The following NEO1 variants were observed in gnomAD, a reference collection of about 807,000 sequenced individuals.
NEO1 encodes neogenin 1.
NEO1 carries 63 observed loss-of-function variants against 159.7 expected under a neutral mutation model. The ratio of observed to expected loss-of-function variants is 0.39; its 90% CI spans 0.32 to 0.49. The LOEUF is 0.49. Ranked by LOEUF, NEO1 falls within the 20% of genes least tolerant of loss-of-function variation. The pLI is 0.85. For synonymous variants in NEO1, 633 were observed against 662.0 expected, an observed-to-expected ratio of 0.96 and a Z score of 0.67; for missense variants, 1,615 against 1,831.0, an observed-to-expected ratio of 0.88 and a Z score of 2.15.
chr15:73,298,248 A>T (rs745675594), intron 26 of NEO1, 100 bp from the exon 27 acceptor site: 1 of 1,442,492 alleles, frequency 6.9e-7, no homozygotes, highest in South Asian at 1.3e-5. Flanking sequence ...CGCAAGTGCT[A>T]TTGAGCTGGT....
chr15:73,185,913 A>G (rs1293681989), intron 7 of NEO1, among the ~76,000 whole-genome samples: 2 of 152,172 alleles, frequency 1.3e-5, no homozygotes, highest in Admixed American at 6.6e-5. Flanking sequence ...GTTTGAATAG[A>G]TAATGGCCAA....
At chr15:73,167,625 C>T (rs758096896) in intron 5 of NEO1, among the ~76,000 whole-genome samples, 14 of 151,988 alleles carry the variant, frequency 9.2e-5, no homozygotes, top group Non-Finnish European at 1.6e-4. Context: ...CCCAAGTGTA[C>T]GATGATGAAT....
chr15:73,256,665 C>T (rs2040367223), intron 13 of NEO1, among the ~76,000 whole-genome samples: 1 of 152,106 alleles, frequency 6.6e-6, no homozygotes, highest in Non-Finnish European at 1.5e-5. Context: ...TGTTTGTCTC[C>T]AGGGGCATGT....
At chr15:73,282,119 C>A (rs2041747104) in intron 22 of NEO1, among the ~76,000 whole-genome samples, 1 of 152,184 alleles carries the variant, frequency 6.6e-6, no homozygotes, top group East Asian at 1.9e-4. Flanking sequence ...CCTCAGGGTC[C>A]TTTCCCTTGT....
intron 12 of NEO1, 73 bp from the exon 13 acceptor site, chr15:73,254,609 G>C: frequency 7.0e-7 from 1 of 1,433,748 alleles, no homozygotes. Flanking sequence ...AGTAAAATCA[G>C]GATAAAAATA....
At chr15:73,212,123 G>T (rs941028719) in intron 7 of NEO1, among the ~76,000 whole-genome samples, 11 of 152,200 alleles carry the variant, frequency 7.2e-5, no homozygotes, top group African/African-American at 4.8e-5. Context: ...GTTTTTGCCA[G>T]TCTTCTTGCA....
At chr15:73,215,579 A>G (rs925253391) in intron 7 of NEO1, among the ~76,000 whole-genome samples, 8 of 152,222 alleles carry the variant, frequency 5.3e-5, no homozygotes, top group African/African-American at 1.9e-4. Flanking sequence ...GTGGTTTATC[A>G]CATTTAATTC....
chr15:73,254,567 C>G, intron 12 of NEO1, 115 bp from the exon 13 acceptor site: 1 of 1,045,252 alleles, frequency 9.6e-7, no homozygotes, highest in African/African-American at 1.6e-5. Flanking sequence ...ACTCTGAGTA[C>G]CTTGCTGCCT....
intron 5 of NEO1, among the ~76,000 whole-genome samples, chr15:73,158,205 A>ATT (rs1269192236): frequency 1.2e-5 from 1 of 86,682 alleles, no homozygotes; most frequent in East Asian, 5.2e-4. Flanking sequence ...AAAGAGTGAG[A>ATT]CTCTTTTTTT....
rs930226016 is a variant in NEO1, at chr15:73,303,050, T to C, written c.*354T>C. 2 of 186,818 alleles carry C rather than the reference T, an allele frequency of 1.1e-5. No individual in the cohort carries two copies. Among genetic ancestry groups the C allele is most frequent in the African/African-American group, 4.6e-5 (2 of 43,168 alleles). 11.6% of individuals were successfully genotyped at this position (186,818 alleles called of 1,614,324 possible). ...CTGTGACTGCATCACCTTTATGGAGTGTAGACATTGGCATTTATGTACAAT... is the reference window on the plus strand; with the variant it reads ...CTGTGACTGCATCACCTTTATGGAGCGTAGACATTGGCATTTATGTACAAT... On this transcript the variant is annotated 3_prime_UTR_variant, in exon 29 of 29. Coordinates refer to ENST00000261908, the MANE Select transcript of NEO1 (RefSeq NM_002499.4).
At chr15:73,296,952 T>C (rs1165410340) in intron 26 of NEO1, among the ~76,000 whole-genome samples, 2 of 152,204 alleles carry the variant, frequency 1.3e-5, no homozygotes, top group African/African-American at 2.4e-5. Context: ...ATTGAAATCA[T>C]TGAAAGCAAA....
rs563191907 is a variant in NEO1 at position 73,201,528 on chromosome 15, C to T, written c.1291+23101C>T. Among the ~76,000 whole-genome samples, 8 of 151,984 alleles carry T rather than the reference C, an allele frequency of 5.3e-5. No individual in the cohort carries two copies. The South Asian group carries it at 8.4e-4, about 16-fold the overall frequency. On this transcript the variant is annotated intron_variant, in intron 7 of 28. Coordinates refer to ENST00000261908, the MANE Select transcript of NEO1 (RefSeq NM_002499.4). ...TCCATGCAAGCTTAAGAATAATGTG[C>T]GTTTTGTCATTGTTGGATGGAATAT...
At chr15:73,113,212 A>C (rs575837066) in intron 1 of NEO1, among the ~76,000 whole-genome samples, 1 of 151,750 alleles carries the variant, frequency 6.6e-6, no homozygotes, top group Non-Finnish European at 1.5e-5. Context: ...TAGTTTTGTA[A>C]ACACTCATCA....
rs10623334 is a variant in NEO1, at chr15:73,257,132, C to CAAAAAAAAA, written c.2093-1621_2093-1613dup. ...GGGCAACAGAGAGAGACTCTGTCTCCAAAAAAAAAAAAAAAAAAAAAGTTT... is the reference window on the plus strand; with the variant it reads ...GGGCAACAGAGAGAGACTCTGTCTCCAAAAAAAAAAAAAAAAAAAAAAAAAAAAAAGTTT... On this transcript the variant is annotated intron_variant, in intron 13 of 28. Transcript: ENST00000261908. Among the ~76,000 whole-genome samples, 310 of 54,720 alleles carry CAAAAAAAAA rather than the reference C, an allele frequency of 5.7e-3. 30 individuals are homozygous for CAAAAAAAAA. The highest frequency in any genetic ancestry group is 0.013 in the South Asian group (8 of 630). The allele number at this position is 54,720 out of a possible 152,430, so 35.9% of individuals were successfully genotyped here. A position where few individuals can be genotyped will look rare whatever the true frequency, so the allele number is the denominator to read the frequency against.
chr15:73,208,491 C>G (rs1215069950), intron 7 of NEO1, among the ~76,000 whole-genome samples: 1 of 152,084 alleles, frequency 6.6e-6, no homozygotes, highest in African/African-American at 2.4e-5. Context: ...AAAAACTGTT[C>G]CTTATTTTAA....
intron 15 of NEO1, among the ~76,000 whole-genome samples, chr15:73,261,657 T>A (rs945945503): frequency 4.6e-5 from 7 of 152,174 alleles, no homozygotes; most frequent in Non-Finnish European, 7.4e-5. Flanking sequence ...AAATTGTTAC[T>A]GAGAGAAATT....
chr15:73,161,136 C>G (rs2034142653), intron 5 of NEO1, among the ~76,000 whole-genome samples: 2 of 152,138 alleles, frequency 1.3e-5, no homozygotes, highest in Non-Finnish European at 2.9e-5. Flanking sequence ...TTTAAATTTT[C>G]TTTTGTGACT....
intron 1 of NEO1, among the ~76,000 whole-genome samples, chr15:73,100,584 C>T (rs917295323): frequency 6.6e-6 from 1 of 152,170 alleles, no homozygotes; most frequent in East Asian, 1.9e-4. Context: ...ATCCACCCAC[C>T]TCAGCCTCCT....
At chr15:73,170,778 C>G (rs1313584331) in intron 5 of NEO1, among the ~76,000 whole-genome samples, 1 of 151,986 alleles carries the variant, frequency 6.6e-6, no homozygotes, top group Non-Finnish European at 1.5e-5. Context: ...TTAGGATAAC[C>G]AGATAATTGT....
Sources: gnomAD v4.1 joint callset for allele counts (sites outside exome capture counted in the v4.1 genomes callset) on GRCh38, gnomAD v4.1.1 for gene constraint, MANE v1.5 for transcripts, NCBI Gene and HGNC (gene_info 2026-07-23, HGNC 2026-07-21) for gene names.